PRLR: variants seen among roughly 807,000 people sequenced by gnomAD.
PRLR encodes prolactin receptor.
A neutral mutation model predicts 40.2 loss-of-function variants in PRLR; 13 were observed. The ratio of observed to expected loss-of-function variants is 0.32; its 90% CI spans 0.21 to 0.51. The LOEUF (loss-of-function observed/expected upper bound fraction) is 0.51, where lower values mean the gene tolerates loss of function less well. PRLR is among the 20% of genes least tolerant of loss of function. PRLR has a pLI of 0.97. For synonymous variants in PRLR, 269 were observed against 278.7 expected (o/e 0.97, Z 0.35); for missense variants, 656 against 747.3 (o/e 0.88, Z 1.42).
At chr5:35,115,040 C>G (rs1300365448) in intron 2 of PRLR, among the ~76,000 whole-genome samples, 1 of 152,316 alleles carries the variant, frequency 6.6e-6, no homozygotes, top group South Asian at 2.1e-4. Flanking sequence ...AACTTTCAAT[C>G]ACGATAGAAA....
chr5:35,153,399 T>A (rs1266134183), intron 1 of PRLR, among the ~76,000 whole-genome samples: 1 of 152,148 alleles, frequency 6.6e-6, no homozygotes, highest in Non-Finnish European at 1.5e-5. Flanking sequence ...TATGTAATGA[T>A]CAGCTTGAAA....
intron 5 of PRLR, among the ~76,000 whole-genome samples, chr5:35,079,093 C>A (rs1033387239): frequency 6.6e-6 from 1 of 152,136 alleles, no homozygotes; most frequent in Non-Finnish European, 1.5e-5. Flanking sequence ...AAACCCACAG[C>A]CAATATCATA....
chr5:35,130,338 G>A (rs145614331), intron 1 of PRLR: 3 of 152,214 alleles, frequency 2.0e-5, no homozygotes, highest in African/African-American at 4.8e-5. Context: ...AAAGCAGGAG[G>A]AATAAGGAGT....
chr5:35,159,680 T>A (rs185417321), intron 1 of PRLR, among the ~76,000 whole-genome samples: 45 of 152,356 alleles, frequency 3.0e-4, no homozygotes, highest in African/African-American at 9.1e-4. Flanking sequence ...CCTTTCATTG[T>A]AACAGTTTAG....
chr5:35,111,726 T>C (rs965878041), intron 2 of PRLR, among the ~76,000 whole-genome samples: 2 of 152,180 alleles, frequency 1.3e-5, no homozygotes, highest in African/African-American at 4.8e-5. Context: ...AAACCAATGA[T>C]ATAGAAACAT....
chr5:35,167,181 CTATCTATCATCT>C (rs1774863695), intron 1 of PRLR, among the ~76,000 whole-genome samples: 1 of 150,178 alleles, frequency 6.7e-6, no homozygotes, highest in Admixed American at 6.6e-5. Context: ...ATCTATCTAT[CTATCTATCATCT>C]AACTCTTTAA....
chr5:35,142,320 C>T (rs1774049337), intron 1 of PRLR, among the ~76,000 whole-genome samples: 2 of 152,178 alleles, frequency 1.3e-5, no homozygotes, highest in South Asian at 2.1e-4. Flanking sequence ...CAAGCATATC[C>T]GGGATTTTTG....
intron 1 of PRLR, among the ~76,000 whole-genome samples, chr5:35,226,858 G>A (rs1048287783): frequency 6.6e-6 from 1 of 152,206 alleles, no homozygotes; most frequent in African/African-American, 2.4e-5. Context: ...ACAAGGGCTG[G>A]GATCCTGTGT....
Position 35,063,220 on chromosome 5 carries a change from G to A in PRLR, c.*1869C>T, listed in dbSNP as rs921650560. 1.3e-5 allele frequency: 2 copies of A among 152,156 alleles called. No individual in the cohort carries two copies. The highest frequency in any genetic ancestry group is 4.8e-5 in the African/African-American group (2 of 41,430). The allele number at this position is 152,156 out of a possible 1,614,324, so 9.4% of individuals were successfully genotyped here. A position where few individuals can be genotyped will look rare whatever the true frequency, so the allele number is the denominator to read the frequency against. ...ATATTGTTTATATATTAGAAAAATGGAGCTTCGTATCTATTGCTTTTGCCA... is the reference window on the plus strand; with the variant it reads ...ATATTGTTTATATATTAGAAAAATGAAGCTTCGTATCTATTGCTTTTGCCA... On this transcript the variant is annotated 3_prime_UTR_variant, in exon 10 of 10. Coordinates refer to ENST00000618457, the MANE Select transcript of PRLR (RefSeq NM_000949.7).
chr5:35,086,339 T>C lies in PRLR; in HGVS notation c.72A>G (p.Gly24=), dbSNP rs748865835. ...LLFLNTCLLN[G]QLPPGKPEIF... is the part of the protein sequence containing the mutation. ...TCTCAGGTTTTCCAGGAGGTAACTG[T>C]CCTAGAAAAAGCCAGAAGCCACTGC... Residue 24 remains glycine (G), a splice_region_variant and synonymous_variant, in exon 4 of 10, where the codon GGA becomes GGG. Coordinates refer to ENST00000618457, the MANE Select transcript of PRLR (RefSeq NM_000949.7). 2 of 1,613,140 alleles carry C rather than the reference T, an allele frequency of 1.2e-6. No individual in the cohort carries two copies. The highest frequency in any genetic ancestry group is 1.7e-5 in the Admixed American group (1 of 59,966).
intron 1 of PRLR, among the ~76,000 whole-genome samples, chr5:35,219,983 A>G (rs1212730760): frequency 1.3e-5 from 2 of 152,086 alleles, no homozygotes; most frequent in East Asian, 3.9e-4. Flanking sequence ...TCCAAATTCC[A>G]TCCTGAATCC....
At chr5:35,088,374 G>A (rs931559705) in intron 3 of PRLR, among the ~76,000 whole-genome samples, 3 of 152,212 alleles carry the variant, frequency 2.0e-5, no homozygotes, top group African/African-American at 7.2e-5. Context: ...GTGGGGAGAA[G>A]TGTGTGAAGT....
exon 9 of PRLR, chr5:35,049,395 C>T (rs762652170): frequency 1.4e-5 from 10 of 702,864 alleles, no homozygotes; most frequent in Non-Finnish European, 2.6e-5. Flanking sequence ...AGGCACCCAA[C>T]ATCAAGGGGT....
intron 6 of PRLR, 38 bp from the exon 7 acceptor site, chr5:35,070,303 A>G: frequency 6.2e-7 from 1 of 1,606,760 alleles, no homozygotes; most frequent in Non-Finnish European, 8.5e-7. Context: ...CAATTCTAAC[A>G]TTTGTTGTGA....
chr5:35,056,083 C>T lies in PRLR; in HGVS notation c.*9006G>A, dbSNP rs1768697471. ...CTTTTCTTAAGAAAATATTTTATCA[C>T]ATTCGTAAAAGTATCTGTGCTTCAA... On this transcript the variant is annotated 3_prime_UTR_variant, in exon 10 of 10. Transcript: ENST00000618457. 2.6e-5 allele frequency: 4 copies of T among 152,122 alleles called. No homozygotes were observed. The South Asian group carries it at 8.3e-4, about 31-fold the overall frequency. 9.4% of individuals were successfully genotyped at this position (152,122 alleles called of 1,614,324 possible).
rs146462333 is a variant in PRLR at position 35,189,132 on chromosome 5, G to T, written c.-106+41136C>A. 6.2e-3 allele frequency among the ~76,000 whole-genome samples: 938 copies of T among 152,262 alleles called. 9 individuals carry two copies. Among genetic ancestry groups the T allele is most frequent in the African/African-American group, 0.021 (892 of 41,558 alleles). On this transcript the variant is annotated intron_variant, in intron 1 of 9. Transcript: ENST00000618457. ...CCACACAACGATGAAAGCAGAGATC[G>T]ATGGTGCTTCTGCAAGCCAAGTAAC...
chr5:35,203,955 C>A (rs1775945462), intron 1 of PRLR, among the ~76,000 whole-genome samples: 2 of 151,826 alleles, frequency 1.3e-5, no homozygotes, highest in Admixed American at 6.6e-5. Context: ...TCACAGTAGT[C>A]ACCAAAAAAC....
In PRLR at chr5:35,116,252, C is replaced by T. The variant is rs541195308; in HGVS notation, c.-44+1809G>A. On this transcript the variant is annotated intron_variant, in intron 2 of 9. Transcript: ENST00000618457. ...AATTTCCTTTTAGGGCCTTGGTTTGCCAATTGGTACCACAGATAAATCTGC... is the reference window on the plus strand; with the variant it reads ...AATTTCCTTTTAGGGCCTTGGTTTGTCAATTGGTACCACAGATAAATCTGC... Among the ~76,000 whole-genome samples, 16 of 152,238 alleles carry T rather than the reference C, an allele frequency of 1.1e-4. No homozygotes were observed. In the South Asian group the frequency reaches 1.2e-3, roughly 12 times the overall value.
chr5:35,103,287 G>T (rs1268273806), intron 2 of PRLR, among the ~76,000 whole-genome samples: 3 of 152,142 alleles, frequency 2.0e-5, no homozygotes, highest in Admixed American at 2.0e-4. Context: ...AAGCGCTATT[G>T]TCAATTATAA....
Sources: allele counts gnomAD v4.1 joint callset (sites outside exome capture counted in the v4.1 genomes callset), GRCh38; gene constraint gnomAD v4.1.1; transcripts MANE v1.5; gene names NCBI Gene and HGNC (gene_info 2026-07-23, HGNC 2026-07-21).